The following PKHD1L1 variants were observed in gnomAD, a reference collection of about 807,000 sequenced individuals.
The protein encoded by PKHD1L1 is PKHD1 like 1.
PKHD1L1 carries 434 observed loss-of-function variants against 462.9 expected under a neutral mutation model. That is an observed-to-expected ratio of 0.94 (90% CI 0.87 to 1.02). PKHD1L1 has a LOEUF of 1.02. PKHD1L1 is among the 50% of genes least tolerant of loss of function. PKHD1L1 has a pLI of 0.00. For missense variants in PKHD1L1, 5,202 were observed against 5,096.1 expected, an observed-to-expected ratio of 1.02 and a Z score of -0.63; for synonymous variants, 1,781 against 1,750.0, an observed-to-expected ratio of 1.02 and a Z score of -0.44.
chr8:109,373,134 T>C (rs986295367), intron 2 of PKHD1L1, among the ~76,000 whole-genome samples: 4 of 152,210 alleles, frequency 2.6e-5, no homozygotes, highest in African/African-American at 9.6e-5. Flanking sequence ...CATCTGGTCC[T>C]GGACTTTTTT....
intron 62 of PKHD1L1, among the ~76,000 whole-genome samples, chr8:109,492,562 T>A (rs556708576): frequency 6.6e-6 from 1 of 151,968 alleles, no homozygotes; most frequent in Non-Finnish European, 1.5e-5. Context: ...GGGATAAGGA[T>A]TGAGTTTTTT....
At chr8:109,372,148 CT>C (rs1811545509) in intron 2 of PKHD1L1, among the ~76,000 whole-genome samples, 1 of 152,104 alleles carries the variant, frequency 6.6e-6, no homozygotes, top group Admixed American at 6.5e-5. Flanking sequence ...ATGGAATGTT[CT>C]TCCATTTGTT....
chr8:109,525,238 G>A (rs1326754181), intron 76 of PKHD1L1, among the ~76,000 whole-genome samples: 1 of 152,158 alleles, frequency 6.6e-6, no homozygotes, highest in East Asian at 1.9e-4. Context: ...GGAGATACAG[G>A]TTGTGGTTTC....
chr8:109,454,851 C>T lies in PKHD1L1; in HGVS notation c.6873C>T (p.His2291=), dbSNP rs779852606. The T allele has an allele frequency of 4.7e-5, 76 of 1,612,948 alleles. No homozygotes were observed. Among genetic ancestry groups the T allele is most frequent in the Admixed American group, 1.3e-4 (8 of 59,902 alleles). ...TGCGGGAGGGAATCCTGGATCTGCA[C>T]GGTACTGTGGCCAAGTGGCTAAGGG... The part of the protein sequence containing the change: ...LAVREGILDL[H]GVPVPVTWTR... Residue 2291 remains histidine (H), a splice_region_variant and synonymous_variant, in exon 45 of 78, where the codon CAC becomes CAT. Coordinates refer to ENST00000378402, the MANE Select transcript of PKHD1L1 (RefSeq NM_177531.6).
Position 109,381,498 on chromosome 8 carries a change from A to G in PKHD1L1, c.292A>G (p.Ile98Val), listed in dbSNP as rs1291979376. Residue 98 changes from isoleucine (I) to valine (V), a missense_variant, in exon 3 of 78, where the codon ATT (isoleucine) becomes GTT (valine). Coordinates refer to ENST00000378402, the MANE Select transcript of PKHD1L1 (RefSeq NM_177531.6). ...VEKDASHSTQ[I>V]TCYTRAMPED... is the part of the protein sequence containing the mutation. ...AAAAGATGCAAGTCATTCAACTCAA[A>G]TTACATGCTATACTAGGTCTGTTTT... 1.3e-6 allele frequency: 2 copies of G among 1,575,030 alleles called. 1 individual carries two copies. Among genetic ancestry groups the G allele is most frequent in the South Asian group, 2.3e-5 (2 of 86,746 alleles).
At position 109,405,063 on chromosome 8, in the gene PKHD1L1, C is replaced by A. The variant is rs1484274837; in HGVS notation, c.1602C>A (p.Ser534Arg). ...INEVQKIKVT[S>R]PCVEANSCSL... ...AGGTTCAGAAGATCAAGGTAACCAG[C>A]CCATGTGTGGAAGCTAATTCATGTT... The change falls in exon 16 of 78, where the codon AGC (serine) becomes AGA (arginine). Residue 534 changes from serine to arginine, a missense_variant. Coordinates refer to ENST00000378402, the MANE Select transcript of PKHD1L1 (RefSeq NM_177531.6). 3 of 1,528,776 alleles carry A rather than the reference C, an allele frequency of 2.0e-6. No individual in the cohort carries two copies. The highest frequency in any genetic ancestry group is 1.4e-5 in the African/African-American group (1 of 72,450). 94.7% of individuals were successfully genotyped at this position (1,528,776 alleles called of 1,614,324 possible). A position where few individuals can be genotyped will look rare whatever the true frequency, so the allele number is the denominator to read the frequency against.
At chr8:109,400,387 A>G in intron 13 of PKHD1L1, 43 bp downstream of exon 13, 1 of 1,554,294 alleles carries the variant, frequency 6.4e-7, no homozygotes, top group Non-Finnish European at 8.8e-7. Context: ...TAAAAACATT[A>G]TGGTGATATT....
intron 50 of PKHD1L1, among the ~76,000 whole-genome samples, chr8:109,473,245 C>T: frequency 6.6e-6 from 1 of 152,170 alleles, no homozygotes; most frequent in East Asian, 1.9e-4. Context: ...GGTGCGGTGG[C>T]TCATGCCTGT....
intron 13 of PKHD1L1, among the ~76,000 whole-genome samples, 177 bp from the exon 14 acceptor site, chr8:109,401,320 T>C (rs1002868966): frequency 2.6e-5 from 4 of 151,814 alleles, no homozygotes; most frequent in African/African-American, 9.7e-5. Context: ...TTTGATAATT[T>C]AAAAAAAATT....
At chr8:109,522,982 A>G (rs1820628305) in intron 75 of PKHD1L1, 92 bp downstream of exon 75, 1 of 1,321,448 alleles carries the variant, frequency 7.6e-7, no homozygotes, top group Non-Finnish European at 1.0e-6. Flanking sequence ...GTGTGCTGGC[A>G]GCCTGAGGAT....
chr8:109,384,568 T>C (rs539977909), intron 5 of PKHD1L1, among the ~76,000 whole-genome samples: 11 of 152,032 alleles, frequency 7.2e-5, no homozygotes, highest in Non-Finnish European at 1.6e-4. Flanking sequence ...AAAAATTGAT[T>C]TTCAATGGCT....
In PKHD1L1 at chr8:109,461,820, TAGGAA is replaced by T; in HGVS notation, c.7296_7300del (p.Ile2432MetfsTer2). On this transcript the variant is annotated frameshift_variant, in exon 48 of 78. Transcript: ENST00000378402. LOFTEE classifies it high-confidence loss of function. ...CTCCAAGGAAAGTTTGGAGAAGAAATAGGAAGTGACCAATTTGGAGGCTGCGTTAT... is the reference window on the plus strand; with the variant it reads ...CTCCAAGGAAAGTTTGGAGAAGAAATGTGACCAATTTGGAGGCTGCGTTAT... The T allele has an allele frequency of 6.2e-7, 1 of 1,609,068 alleles. No individual in the cohort carries two copies. The highest frequency in any genetic ancestry group is 1.1e-5 in the South Asian group (1 of 89,798).
At chr8:109,498,807 A>G in intron 67 of PKHD1L1, 36 bp downstream of exon 67, 3 of 1,495,192 alleles carry the variant, frequency 2.0e-6, no homozygotes, top group South Asian at 1.2e-5. Context: ...TTCTCAATTA[A>G]TTTCTGTAAA....
intron 72 of PKHD1L1, among the ~76,000 whole-genome samples, chr8:109,516,964 AT>A (rs1486872247): frequency 1.3e-5 from 2 of 152,146 alleles, no homozygotes; most frequent in African/African-American, 4.8e-5. Flanking sequence ...AGAAATTAAA[AT>A]TTTAAAAGGA....
chr8:109,510,747 A>G (rs1314156602), intron 70 of PKHD1L1, 30 bp from the exon 71 acceptor site: 1 of 1,602,772 alleles, frequency 6.2e-7, no homozygotes, highest in Non-Finnish European at 8.5e-7. Context: ...ATGATATAGG[A>G]GTATGCACTT....
Position 109,485,185 on chromosome 8 carries a change from C to A in PKHD1L1, c.9706+12C>A. 1 of 1,536,522 alleles carries A rather than the reference C, an allele frequency of 6.5e-7. No individual in the cohort carries two copies. The highest frequency in any genetic ancestry group is 2.0e-5 in the Admixed American group (1 of 50,240). On this transcript the variant is annotated intron_variant, in intron 58 of 77. Transcript: ENST00000378402. ...CTATACTCACTTTGGTAAGTGGATG[C>A]TTTTTAACCAAATAGATATATAATT...
At chr8:109,491,693 G>A (rs928144791) in intron 61 of PKHD1L1, among the ~76,000 whole-genome samples, 180 bp from the exon 62 acceptor site, 3 of 151,782 alleles carry the variant, frequency 2.0e-5, no homozygotes, top group South Asian at 2.1e-4. Context: ...CTATTAAAGA[G>A]GTAGAGTTCA....
In PKHD1L1 at chr8:109,445,587, G is replaced by T; in HGVS notation, c.5718G>T (p.Leu1906Phe). ...IFVNTIAYPP[L>F]LFTYALEDTP... is the part of the protein sequence containing the mutation. The stretch of plus-strand genomic sequence containing the variant: ...TTAATACAATTGCTTATCCACCTTT[G>T]CTTTTTACATATGCCCTGGAGGATA... Residue 1906 changes from leucine to phenylalanine, a missense_variant, in exon 38 of 78, where the codon TTG becomes TTT. This residue lies in a region of PKHD1L1 where 4,497 missense variants were observed against 4,336.8 expected (regional missense o/e 1.04). Transcript: ENST00000378402. The T allele has an allele frequency of 6.2e-7, 1 of 1,611,010 alleles. No individual in the cohort carries two copies. The highest frequency in any genetic ancestry group is 8.5e-7 in the Non-Finnish European group (1 of 1,178,278).
chr8:109,395,914 T>A, intron 10 of PKHD1L1, 113 bp from the exon 11 acceptor site: 1 of 652,118 alleles, frequency 1.5e-6, no homozygotes, highest in Non-Finnish European at 2.7e-6. Context: ...CAGTTGGTAA[T>A]CTACTACCTG....
Sources: allele counts gnomAD v4.1 joint callset (sites outside exome capture counted in the v4.1 genomes callset), GRCh38; gene constraint gnomAD v4.1.1; regional missense constraint gnomAD v4.1.1; transcripts MANE v1.5; gene names NCBI Gene and HGNC (gene_info 2026-07-23, HGNC 2026-07-21).